The following TET3 variants were observed in gnomAD, a reference collection of about 807,000 sequenced individuals.
TET3 encodes tet methylcytosine dioxygenase 3, also known as methylcytosine dioxygenase TET3.
In TET3, 19 loss-of-function variants were observed where a neutral mutation model predicts 141.4. That is an observed-to-expected ratio of 0.13 (90% CI 0.09 to 0.20). The LOEUF (loss-of-function observed/expected upper bound fraction) is 0.20, where lower values mean the gene tolerates loss of function less well. TET3 is among the 10% of genes least tolerant of loss of function. The pLI, the probability that TET3 is intolerant of heterozygous loss-of-function variation, is 1.00. For missense variants in TET3, 1,874 were observed against 2,356.9 expected (o/e 0.80, Z 4.24); for synonymous variants, 1,043 against 980.9 (o/e 1.06, Z -1.18).
intron 10 of TET3, among the ~76,000 whole-genome samples, chr2:74,098,156 C>T (rs939384993): frequency 2.0e-5 from 3 of 152,126 alleles, no homozygotes; most frequent in African/African-American, 4.8e-5. Context: ...TGAGGGTAGT[C>T]TGGCAGTATG....
chr2:74,008,550 T>G (rs1358613548), intron 3 of TET3, among the ~76,000 whole-genome samples: 1 of 152,212 alleles, frequency 6.6e-6, no homozygotes, highest in Non-Finnish European at 1.5e-5. Flanking sequence ...AGGTATACCC[T>G]TTTTCCCCTG....
At chr2:74,114,114 T>C in the TET3 span, among the ~76,000 whole-genome samples, 1 of 152,032 alleles carries the variant, frequency 6.6e-6, no homozygotes, top group African/African-American at 2.4e-5. Flanking sequence ...ACACAAAGAC[T>C]AATGGAACAG....
the TET3 span, among the ~76,000 whole-genome samples, chr2:74,127,846 C>T: frequency 6.6e-6 from 1 of 152,088 alleles, no homozygotes; most frequent in Non-Finnish European, 1.5e-5. Flanking sequence ...GATGAAGATA[C>T]GTGATACTGA....
downstream of TET3, among the ~76,000 whole-genome samples, chr2:74,109,397 T>C (rs960715745): frequency 6.6e-6 from 1 of 152,246 alleles, no homozygotes; most frequent in Non-Finnish European, 1.5e-5. Context: ...AATACAATAA[T>C]ACAATCTTGT....
chr2:74,112,013 A>G (rs1349856299), downstream of TET3, among the ~76,000 whole-genome samples: 1 of 152,162 alleles, frequency 6.6e-6, no homozygotes, highest in Non-Finnish European at 1.5e-5. Flanking sequence ...TGTTATTTGA[A>G]AGACTTCAAT....
At chr2:74,098,556 T>C (rs1690980114) in intron 10 of TET3, among the ~76,000 whole-genome samples, 1 of 152,174 alleles carries the variant, frequency 6.6e-6, no homozygotes, top group African/African-American at 2.4e-5. Context: ...GCCTAAATTT[T>C]CTATAATCAG....
At chr2:74,097,195 G>GCATGCACACACACACA (rs1690896265) in intron 10 of TET3, among the ~76,000 whole-genome samples, 1 of 137,960 alleles carries the variant, frequency 7.2e-6, no homozygotes, top group Admixed American at 7.3e-5. Context: ...AGCCATACAT[G>GCATGCACACACACACA]CACACACACA....
chr2:74,082,819 G>A (rs1192641416), intron 6 of TET3, among the ~76,000 whole-genome samples: 1 of 152,128 alleles, frequency 6.6e-6, no homozygotes, highest in African/African-American at 2.4e-5. Context: ...TGCAGGGAAA[G>A]TGACCCACAG....
rs891781903 is a variant in TET3, at chr2:74,104,195, A to G, written c.*2019A>G. 6 of 152,320 alleles carry G rather than the reference A, an allele frequency of 3.9e-5. No homozygotes were observed. The highest frequency in any genetic ancestry group is 4.1e-4 in the South Asian group (2 of 4,832). The allele number at this position is 152,320 out of a possible 1,614,324, so 9.4% of individuals were successfully genotyped here. ...GGGAGAAATTGTAAATAGTAGCCGA[A>G]TATTTAATGTGCTTTGTCTATCCTC... On this transcript the variant is annotated 3_prime_UTR_variant, in exon 12 of 12. Transcript: ENST00000409262.
rs57748474 is a variant in TET3, at chr2:73,988,999, GT to G, written c.303+2308del. 2.9e-3 allele frequency among the ~76,000 whole-genome samples: 315 copies of G among 107,744 alleles called. 2 individuals are homozygous for G. The highest frequency in any genetic ancestry group is 0.011 in the Middle Eastern group (2 of 190). 70.7% of individuals were successfully genotyped at this position (107,744 alleles called of 152,430 possible). The stretch of plus-strand genomic sequence containing the variant: ...TCTGAAAAAAAAAAAAGTTTTTTTT[GT>G]TTTTTTTTTTTTTTGGTCCATGAAG... On this transcript the variant is annotated intron_variant, in intron 2 of 11. Coordinates refer to ENST00000409262, the MANE Select transcript of TET3 (RefSeq NM_001287491.2).
intron 3 of TET3, among the ~76,000 whole-genome samples, chr2:74,003,426 T>G (rs985268665): frequency 6.3e-5 from 7 of 111,606 alleles, no homozygotes; most frequent in Admixed American, 9.2e-5. Context: ...GTTGAACTGT[T>G]TTTTTTTTTT....
At chr2:74,130,279 G>C in the TET3 span, among the ~76,000 whole-genome samples, 1 of 152,232 alleles carries the variant, frequency 6.6e-6, no homozygotes, top group South Asian at 2.1e-4. Context: ...TTACACAAAT[G>C]CTCTTTTAAG....
chr2:74,082,704 A>G (rs903163759), intron 6 of TET3, among the ~76,000 whole-genome samples: 2 of 152,138 alleles, frequency 1.3e-5, no homozygotes, highest in African/African-American at 4.8e-5. Context: ...TCTTTTGGCT[A>G]CACAGCTGCC....
At position 74,093,078 on chromosome 2, in the gene TET3, T is replaced by C. The variant is rs1690599266; in HGVS notation, c.3129+87T>C. Reference sequence around the variant, plus strand: ...GAAGGTGGGAAGTGGGAGAGTGGGCTCTTTTACTCTCTTATGGGAAGAGCC... The same window carrying C: ...GAAGGTGGGAAGTGGGAGAGTGGGCCCTTTTACTCTCTTATGGGAAGAGCC... On this transcript the variant is annotated intron_variant, in intron 9 of 11. Transcript: ENST00000409262. This position sits in a 1 kb window ranked among gnomAD's most constrained non-coding sequence, Gnocchi z 4.2. 8 of 1,197,204 alleles carry C rather than the reference T, an allele frequency of 6.7e-6. No homozygotes were observed. The highest frequency in any genetic ancestry group is 9.6e-6 in the Non-Finnish European group (8 of 830,132). 74.2% of individuals were successfully genotyped at this position (1,197,204 alleles called of 1,614,324 possible).
At chr2:73,987,616 C>A (rs989550775) in intron 2 of TET3, among the ~76,000 whole-genome samples, 2 of 152,214 alleles carry the variant, frequency 1.3e-5, no homozygotes, top group Non-Finnish European at 2.9e-5. Flanking sequence ...TGAGGTCGCT[C>A]CAGGCAGTAG....
At chr2:74,060,450 A>C (rs1361836001) in intron 4 of TET3, among the ~76,000 whole-genome samples, 1 of 152,228 alleles carries the variant, frequency 6.6e-6, no homozygotes, top group Non-Finnish European at 1.5e-5. Context: ...TTGAGATTAA[A>C]AAGTTTGATC....
Position 74,100,448 on chromosome 2 carries a change from G to T in TET3, c.3660G>T (p.Val1220=). 1 of 1,581,190 alleles carries T rather than the reference G, an allele frequency of 6.3e-7. No homozygotes were observed. The highest frequency in any genetic ancestry group is 8.6e-7 in the Non-Finnish European group (1 of 1,163,866). The change falls in exon 12 of 12, where the codon GTG becomes GTT. Residue 1220 remains valine, a synonymous_variant. Coordinates refer to ENST00000409262, the MANE Select transcript of TET3 (RefSeq NM_001287491.2). ...AAGGCCTGAAGCCCTCCCTCAAGGTGGAGCCGCAGAACCACTTCAGCTCCT... is the reference window on the plus strand; with the variant it reads ...AAGGCCTGAAGCCCTCCCTCAAGGTTGAGCCGCAGAACCACTTCAGCTCCT... ...SQQGLKPSLK[V]EPQNHFSSFK... is the part of the protein sequence containing the mutation.
At chr2:74,040,965 C>T (rs566194904) in intron 3 of TET3, among the ~76,000 whole-genome samples, 1 of 152,090 alleles carries the variant, frequency 6.6e-6, no homozygotes, top group Non-Finnish European at 1.5e-5. Context: ...AGGGGAAAAG[C>T]GGAGGGTTTC....
chr2:73,984,882 G>C (rs1434103953), upstream of TET3, among the ~76,000 whole-genome samples: 1 of 147,320 alleles, frequency 6.8e-6, no homozygotes, highest in Non-Finnish European at 1.5e-5. The surrounding 1 kb of genome is among the most constrained non-coding windows in gnomAD (Gnocchi z 5.6). Flanking sequence ...CCCCGGGCGA[G>C]CACGTGCCGC....
Sources: gnomAD v4.1 joint callset for allele counts (sites outside exome capture counted in the v4.1 genomes callset) on GRCh38, gnomAD v4.1.1 for gene constraint, Gnocchi (gnomAD v3.1) non-coding constraint, MANE v1.5 for transcripts, NCBI Gene and HGNC (gene_info 2026-07-23, HGNC 2026-07-21) for gene names.